The following LACTBL1 variants were observed in gnomAD, a reference collection of about 807,000 sequenced individuals.
LACTBL1 encodes beta-lactamase-like protein 1.
LACTBL1 carries 29 observed loss-of-function variants against 39.6 expected under a neutral mutation model. That is an observed-to-expected ratio of 0.73 (90% CI 0.55 to 1.00). The LOEUF (loss-of-function observed/expected upper bound fraction) is 1.00, where lower values mean the gene tolerates loss of function less well. Among genes scored for constraint, LACTBL1 ranks in the 50% least tolerant of loss-of-function variants. LACTBL1 has a pLI of 0.00. For missense variants in LACTBL1, 711 were observed against 748.5 expected, an observed-to-expected ratio of 0.95 and a Z score of 0.59; for synonymous variants, 361 against 360.7, an observed-to-expected ratio of 1.00 and a Z score of -0.01.
At chr1:22,953,808 G>A in exon 6 of LACTBL1, 1 of 1,546,842 alleles carries the variant, frequency 6.5e-7, no homozygotes, top group East Asian at 2.5e-5. Context: ...CCGACGGCCG[G>A]TACCAGCCCA....
upstream of LACTBL1, among the ~76,000 whole-genome samples, chr1:22,967,076 A>T (rs1210090423): frequency 6.6e-6 from 1 of 152,144 alleles, no homozygotes; most frequent in Non-Finnish European, 1.5e-5. Flanking sequence ...TCTACAAAAA[A>T]ATTAAACATT....
chr1:22,957,043 T>C (rs1327236507), intron 4 of LACTBL1, among the ~76,000 whole-genome samples: 1 of 152,144 alleles, frequency 6.6e-6, no homozygotes, highest in East Asian at 1.9e-4. Flanking sequence ...ATATAATATG[T>C]ACATTACACA....
At chr1:22,959,156 C>T (rs577108406) in intron 3 of LACTBL1, among the ~76,000 whole-genome samples, 3 of 152,340 alleles carry the variant, frequency 2.0e-5, no homozygotes, top group South Asian at 2.1e-4. Context: ...GGCTCTTTTC[C>T]AGCCATTTCC....
At position 22,959,302 on chromosome 1, in the gene LACTBL1, G is replaced by A. The variant is rs377412147; in HGVS notation, c.318-382C>T. Among the ~76,000 whole-genome samples the A allele has an allele frequency of 5.9e-5, 9 of 152,230 alleles. No individual in the cohort carries two copies. In the South Asian group the frequency reaches 1.7e-3, roughly 28 times the overall value. On this transcript the variant is annotated intron_variant, in intron 3 of 5. Transcript: ENST00000426928. ...GGTTGTATTAATAAAAGAATGGAAC[G>A]AGGTTGTGCATGCAAAGTGCCTGTC... is the stretch of plus-strand genomic sequence containing the variant.
chr1:22,963,607 C>A (rs565829637), intron 1 of LACTBL1, among the ~76,000 whole-genome samples: 60 of 152,194 alleles, frequency 3.9e-4, no homozygotes, highest in Non-Finnish European at 2.9e-4. Flanking sequence ...CCACTTAGGA[C>A]CCAGGCCTAA....
intron 5 of LACTBL1, 113 bp downstream of exon 7, chr1:22,955,208 G>A (rs1276173955): frequency 3.1e-5 from 24 of 782,374 alleles, no homozygotes; most frequent in Non-Finnish European, 4.1e-5. Flanking sequence ...TGGGGAGCAG[G>A]TCTCTCCCGG....
intron 2 of LACTBL1, among the ~76,000 whole-genome samples, chr1:22,961,751 T>G (rs1165526787): frequency 1.3e-5 from 2 of 152,112 alleles, no homozygotes; most frequent in East Asian, 3.9e-4. Flanking sequence ...TTCCCATCCC[T>G]GCACTAACTT....
intron 2 of LACTBL1, among the ~76,000 whole-genome samples, chr1:22,962,406 A>T (rs6426776): frequency 6.6e-6 from 1 of 151,950 alleles, no homozygotes; most frequent in African/African-American, 2.4e-5. Context: ...TGTTTCACTC[A>T]TCTCCATGTC....
intron 5 of LACTBL1, among the ~76,000 whole-genome samples, chr1:22,954,725 T>C (rs1283398542): frequency 6.6e-6 from 1 of 152,198 alleles, no homozygotes; most frequent in Non-Finnish European, 1.5e-5. Context: ...TCTCTCTGCA[T>C]CTCCTGGATC....
chr1:22,953,455 T>C (rs1640727325), exon 6 of LACTBL1: 1 of 1,227,400 alleles, frequency 8.1e-7, no homozygotes, highest in African/African-American at 1.6e-5. Flanking sequence ...GAGGGCGCGC[T>C]CCAGGGCGGG....
At chr1:22,953,551 G>C in exon 6 of LACTBL1, 2 of 1,248,344 alleles carry the variant, frequency 1.6e-6, no homozygotes, top group Non-Finnish European at 2.0e-6. Flanking sequence ...CAGACGCAGC[G>C]GGGGCACCAG....
intron 2 of LACTBL1, 139 bp from the exon 5 acceptor site, chr1:22,960,238 G>C: frequency 2.1e-6 from 2 of 954,572 alleles, no homozygotes; most frequent in Non-Finnish European, 3.1e-6. Flanking sequence ...CATGGGCTGG[G>C]GCCCCCACTG....
intron 2 of LACTBL1, 74 bp from the exon 5 acceptor site, chr1:22,960,173 T>A: frequency 6.6e-7 from 1 of 1,509,560 alleles, no homozygotes; most frequent in Non-Finnish European, 8.9e-7. Flanking sequence ...AAAGCCACCC[T>A]CGTCCATAGT....
the LACTBL1 span, among the ~76,000 whole-genome samples, chr1:22,971,700 C>T: frequency 6.6e-6 from 1 of 152,224 alleles, no homozygotes; most frequent in Non-Finnish European, 1.5e-5. Flanking sequence ...TAATCAGACA[C>T]AAGGGCCTGG....
upstream of LACTBL1, among the ~76,000 whole-genome samples, chr1:22,969,797 G>T (rs746784577): frequency 5.9e-5 from 9 of 152,130 alleles, no homozygotes; most frequent in Admixed American, 2.0e-4. Context: ...GCCGCTCATG[G>T]TAACTGGCTA....
chr1:22,954,077 C>T (rs1640739207), intron 5 of LACTBL1, 53 bp from the exon 8 acceptor site: 1 of 1,465,806 alleles, frequency 6.8e-7, no homozygotes. Flanking sequence ...CCCGCCCGCG[C>T]TGTCTGAAAT....
intron 4 of LACTBL1, among the ~76,000 whole-genome samples, chr1:22,957,011 A>T (rs1285150133): frequency 6.6e-6 from 1 of 152,090 alleles, no homozygotes; most frequent in East Asian, 1.9e-4. Context: ...ATATAAGCTA[A>T]TATATACTAC....
chr1:22,958,720 G>A lies in LACTBL1; in HGVS notation c.518C>T (p.Pro173Leu), dbSNP rs1422728534. 3 of 1,550,182 alleles carry A rather than the reference G, an allele frequency of 1.9e-6. No homozygotes were observed. In the African/African-American group the frequency reaches 4.1e-5, roughly 21 times the overall value. Residue 173 changes from proline (P) to leucine (L), a missense_variant, in exon 4 of 6, where the codon CCT becomes CTT. Transcript: ENST00000426928. ...GCTGGCCATCCTTCGAAGGGTGACA[G>A]GTGAAGGCCTTGGGGCGGGGCCCAC...
At chr1:22,953,858 C>G (rs1640734932) in exon 6 of LACTBL1, 2 of 1,548,734 alleles carry the variant, frequency 1.3e-6, no homozygotes, top group African/African-American at 1.4e-5. Context: ...CCGTAGAAGC[C>G]CGCGGCCAGG....
Sources: allele counts gnomAD v4.1 joint callset (sites outside exome capture counted in the v4.1 genomes callset), GRCh38; gene constraint gnomAD v4.1.1; transcripts MANE v1.5; gene names NCBI Gene and HGNC (gene_info 2026-07-23, HGNC 2026-07-21).